The following NFIA variants were observed in gnomAD, a reference collection of about 807,000 sequenced individuals.
NFIA encodes the protein nuclear factor I A, also known as nuclear factor 1 A-type.
In NFIA, 8 loss-of-function variants were observed where a neutral mutation model predicts 62.8. The ratio of observed to expected loss-of-function variants is 0.13; its 90% CI spans 0.07 to 0.23. NFIA has a LOEUF of 0.23. Among genes scored for constraint, NFIA ranks in the 10% least tolerant of loss-of-function variants. The pLI is 1.00. For synonymous variants in NFIA, 235 were observed against 238.1 expected, an observed-to-expected ratio of 0.99 and a Z score of 0.12; for missense variants, 410 against 642.1, an observed-to-expected ratio of 0.64 and a Z score of 3.91.
chr1:61,412,580 G>A (rs1451238575), intron 9 of NFIA, among the ~76,000 whole-genome samples: 1 of 152,158 alleles, frequency 6.6e-6, no homozygotes, highest in African/African-American at 2.4e-5. Flanking sequence ...ACCACAGGAG[G>A]GGCATCTCTG....
At chr1:61,228,935 A>G (rs1654498002) in intron 2 of NFIA, among the ~76,000 whole-genome samples, 1 of 152,206 alleles carries the variant, frequency 6.6e-6, no homozygotes, top group Admixed American at 6.5e-5. Context: ...TGAACAAAGA[A>G]AAGACTATTA....
At chr1:61,393,055 G>A (rs1276273826) in intron 7 of NFIA, among the ~76,000 whole-genome samples, 1 of 151,708 alleles carries the variant, frequency 6.6e-6, no homozygotes, top group Non-Finnish European at 1.5e-5. Context: ...AAGACTTCCT[G>A]GTATCGTACG....
At chr1:61,126,462 A>ACATACACACACACT (rs1553153084) in intron 2 of NFIA, among the ~76,000 whole-genome samples, 1 of 145,820 alleles carries the variant, frequency 6.9e-6, no homozygotes, top group African/African-American at 2.5e-5. Context: ...ACACACACAC[A>ACATACACACACACT]CACACACACA....
intron 10 of NFIA, among the ~76,000 whole-genome samples, chr1:61,439,768 T>C (rs1044693528): frequency 6.6e-6 from 1 of 152,178 alleles, no homozygotes; most frequent in Non-Finnish European, 1.5e-5. Flanking sequence ...TTGTACCCCC[T>C]GAAAAATGGT....
At chr1:61,235,278 C>G (rs192383442) in intron 2 of NFIA, among the ~76,000 whole-genome samples, 124 of 151,932 alleles carry the variant, frequency 8.2e-4, no homozygotes, top group African/African-American at 2.5e-3. Context: ...CTGTCTAACA[C>G]GGTGAAACCC....
chr1:61,093,364 T>A (rs1205304166), intron 2 of NFIA, among the ~76,000 whole-genome samples: 1 of 152,146 alleles, frequency 6.6e-6, no homozygotes, highest in African/African-American at 2.4e-5. Context: ...CAATATACAC[T>A]GTATATTGTA....
At chr1:61,133,722 A>C (rs1345027958) in intron 2 of NFIA, among the ~76,000 whole-genome samples, 1 of 152,186 alleles carries the variant, frequency 6.6e-6, no homozygotes, top group Non-Finnish European at 1.5e-5. Flanking sequence ...TAGCCCAGCT[A>C]TTCAGGAGTC....
At chr1:61,437,083 C>A (rs1330580494) in intron 10 of NFIA, among the ~76,000 whole-genome samples, 1 of 152,186 alleles carries the variant, frequency 6.6e-6, no homozygotes, top group Non-Finnish European at 1.5e-5. Flanking sequence ...ACAGGGCAAC[C>A]TCGGACCCTC....
intron 2 of NFIA, among the ~76,000 whole-genome samples, chr1:61,108,777 C>T (rs908445938): frequency 6.6e-6 from 1 of 151,634 alleles, no homozygotes; most frequent in African/African-American, 2.4e-5. Flanking sequence ...GTTAATTTTC[C>T]TCTTATTTTT....
chr1:61,430,217 G>T (rs1040161765), intron 10 of NFIA, among the ~76,000 whole-genome samples: 1 of 152,196 alleles, frequency 6.6e-6, no homozygotes, highest in Non-Finnish European at 1.5e-5. Context: ...TGTGCTGACT[G>T]CTCAGAAAAG....
intron 4 of NFIA, among the ~76,000 whole-genome samples, chr1:61,351,572 T>G (rs1384233926): frequency 2.0e-5 from 3 of 152,248 alleles, no homozygotes; most frequent in Non-Finnish European, 4.4e-5. Context: ...GGAGTTGTTT[T>G]ATAGAATTGG....
At chr1:61,179,978 T>A (rs1026855194) in intron 2 of NFIA, among the ~76,000 whole-genome samples, 1 of 152,186 alleles carries the variant, frequency 6.6e-6, no homozygotes, top group Non-Finnish European at 1.5e-5. Context: ...GCGGCTGATA[T>A]CGAGTCAATC....
intron 4 of NFIA, among the ~76,000 whole-genome samples, chr1:61,339,734 T>A (rs1052034329): frequency 4.3e-4 from 65 of 152,168 alleles, no homozygotes; most frequent in African/African-American, 1.5e-3. Flanking sequence ...ATAGAAATTG[T>A]CGTCAAACTA....
chr1:61,251,157 A>C (rs1003959193), intron 2 of NFIA: 5 of 152,186 alleles, frequency 3.3e-5, no homozygotes, highest in African/African-American at 1.2e-4. Context: ...TTGCATATGA[A>C]ATTGATTTAA....
At chr1:61,448,764 G>A (rs1054712199) in intron 10 of NFIA, among the ~76,000 whole-genome samples, 4 of 152,162 alleles carry the variant, frequency 2.6e-5, no homozygotes, top group Non-Finnish European at 5.9e-5. Context: ...TAATCCAGCA[G>A]TCTTTGATTT....
At chr1:61,338,741 G>A (rs1242507487) in intron 4 of NFIA, among the ~76,000 whole-genome samples, 3 of 152,156 alleles carry the variant, frequency 2.0e-5, no homozygotes, top group Admixed American at 6.5e-5. Context: ...ATGGGTGTAG[G>A]ATAAGAAATT....
intron 2 of NFIA, among the ~76,000 whole-genome samples, chr1:61,203,404 C>T (rs1171803667): frequency 1.3e-5 from 2 of 152,152 alleles, no homozygotes; most frequent in Non-Finnish European, 1.5e-5. Flanking sequence ...GCTCACCACC[C>T]TCCCTTATTT....
intron 6 of NFIA, among the ~76,000 whole-genome samples, chr1:61,382,029 A>G (rs1246352035): frequency 1.3e-5 from 2 of 152,210 alleles, no homozygotes; most frequent in Non-Finnish European, 2.9e-5. Context: ...GGTCATGGGC[A>G]GAACACAGCA....
chr1:61,226,639 C>T (rs151291313), intron 2 of NFIA, among the ~76,000 whole-genome samples: 21 of 152,264 alleles, frequency 1.4e-4, no homozygotes, highest in African/African-American at 4.8e-4. Context: ...GGCAACCAAC[C>T]CCTCCCATCT....
Sources: gnomAD v4.1 joint callset for allele counts (sites outside exome capture counted in the v4.1 genomes callset) on GRCh38, gnomAD v4.1.1 for gene constraint, MANE v1.5 for transcripts, NCBI Gene and HGNC (gene_info 2026-07-23, HGNC 2026-07-21) for gene names.